The following SH3RF3 variants were observed in gnomAD, a reference collection of about 807,000 sequenced individuals.
SH3RF3 encodes SH3 domain containing ring finger 3.
SH3RF3 carries 29 observed loss-of-function variants against 66.3 expected under a neutral mutation model. The ratio of observed to expected loss-of-function variants is 0.44; its 90% CI spans 0.33 to 0.60. The LOEUF (loss-of-function observed/expected upper bound fraction) is 0.60. Ranked by LOEUF, SH3RF3 falls within the 20% of genes least tolerant of loss-of-function variation. The probability of loss-of-function intolerance (pLI) is 0.04; values close to 1 mark genes in which losing one functional copy is unlikely to be tolerated. For synonymous variants in SH3RF3, 583 were observed against 532.0 expected, an observed-to-expected ratio of 1.10 and a Z score of -1.32; for missense variants, 1,194 against 1,190.9, an observed-to-expected ratio of 1.00 and a Z score of -0.04.
intron 1 of SH3RF3, chr2:109,251,469 G>T: frequency 2.7e-6 from 2 of 734,706 alleles, no homozygotes; most frequent in Non-Finnish European, 5.1e-6. Flanking sequence ...TGGACAAGAA[G>T]TTGTCATTGA....
At chr2:109,414,099 C>T (rs540780297) in intron 4 of SH3RF3, among the ~76,000 whole-genome samples, 1 of 152,330 alleles carries the variant, frequency 6.6e-6, no homozygotes, top group South Asian at 2.1e-4. Flanking sequence ...TGGGCTGCCC[C>T]ATCTTGGCCT....
At chr2:109,433,528 GAC>G (rs951515243) in intron 6 of SH3RF3, among the ~76,000 whole-genome samples, 9 of 152,332 alleles carry the variant, frequency 5.9e-5, no homozygotes, top group East Asian at 1.9e-4. Flanking sequence ...GACACTGCAG[GAC>G]ACACACACAG....
intron 1 of SH3RF3, among the ~76,000 whole-genome samples, chr2:109,281,545 G>A (rs1157610713): frequency 2.0e-5 from 3 of 152,132 alleles, no homozygotes; most frequent in Non-Finnish European, 4.4e-5. Context: ...AAGGGATGAG[G>A]GAGGGTGATT....
intron 1 of SH3RF3, among the ~76,000 whole-genome samples, chr2:109,218,296 G>A (rs145829388): frequency 1.3e-5 from 2 of 152,260 alleles, no homozygotes; most frequent in East Asian, 1.9e-4. Context: ...TCTTGCCCCC[G>A]TTTTTGTGGC....
chr2:109,202,646 T>A (rs1171941188), intron 1 of SH3RF3, among the ~76,000 whole-genome samples: 1 of 152,112 alleles, frequency 6.6e-6, no homozygotes, highest in East Asian at 1.9e-4. Flanking sequence ...GGAACCTGGG[T>A]CCTGGGAAAA....
rs569117991 is a variant in SH3RF3, at chr2:109,200,104, A to G, written c.573+69991A>G. ...AGCATTTTCCTTCCAAGCCCTAGTG[A>G]TGTGGAGGAAATGTTACGGACATGC... On this transcript the variant is annotated intron_variant, in intron 1 of 9. Transcript: ENST00000309415. Among the ~76,000 whole-genome samples the G allele has an allele frequency of 1.1e-3, 175 of 152,254 alleles. 1 individual carries two copies. The highest frequency in any genetic ancestry group is 3.0e-3 in the African/African-American group (125 of 41,530).
intron 1 of SH3RF3, among the ~76,000 whole-genome samples, chr2:109,256,643 A>G (rs1410447426): frequency 6.6e-6 from 1 of 152,134 alleles, no homozygotes; most frequent in Non-Finnish European, 1.5e-5. Context: ...AATTTTTATT[A>G]CTTTTTCCCT....
At chr2:109,457,936 GC>G (rs1437071968) in intron 8 of SH3RF3, among the ~76,000 whole-genome samples, 2 of 152,192 alleles carry the variant, frequency 1.3e-5, no homozygotes, top group Non-Finnish European at 2.9e-5. Context: ...GCACTTGCCA[GC>G]ACTCTCCATT....
intron 1 of SH3RF3, among the ~76,000 whole-genome samples, chr2:109,322,882 C>A (rs560372542): frequency 2.2e-4 from 33 of 152,306 alleles, no homozygotes; most frequent in Admixed American, 5.2e-4. Context: ...CATGCACAAA[C>A]CTTGTAATGT....
Position 109,485,239 on chromosome 2 carries a change from G to T in SH3RF3, c.2149-5366G>T, listed in dbSNP as rs1573290767. On this transcript the variant is annotated intron_variant, in intron 8 of 9. Coordinates refer to ENST00000309415, the MANE Select transcript of SH3RF3 (RefSeq NM_001099289.3). ...GACGGGAAATCTGTTTGAAAGAAGT[G>T]GTGGGACAGCCACCTGTCTCCACAT... Among the ~76,000 whole-genome samples the T allele has an allele frequency of 2.9e-5, 3 of 102,152 alleles. 1 individual carries two copies. In the South Asian group the frequency reaches 9.3e-4, roughly 32 times the overall value. The allele number at this position is 102,152 out of a possible 152,430, so 67.0% of individuals were successfully genotyped here. A position where few individuals can be genotyped will look rare whatever the true frequency, so the allele number is the denominator to read the frequency against.
rs571102716 is a variant in SH3RF3, at chr2:109,242,523, G to C, written c.574-105151G>C. 5.7e-4 allele frequency among the ~76,000 whole-genome samples: 87 copies of C among 152,326 alleles called. No homozygotes were observed. The South Asian group carries it at 0.012, about 20-fold the overall frequency. On this transcript the variant is annotated intron_variant, in intron 1 of 9. Transcript: ENST00000309415. ...GATTGGCCACTGGAGAAGCGGGAGT[G>C]AATGGCAACAAGGCCAAGTGGGAAG...
intron 3 of SH3RF3, among the ~76,000 whole-genome samples, chr2:109,382,058 C>T (rs1675694713): frequency 6.6e-6 from 1 of 152,066 alleles, no homozygotes; most frequent in South Asian, 2.1e-4. Context: ...TTGAGGTCTG[C>T]AGTTGCTTAT....
chr2:109,436,257 T>C (rs1219913120), intron 6 of SH3RF3, among the ~76,000 whole-genome samples: 1 of 152,198 alleles, frequency 6.6e-6, no homozygotes, highest in East Asian at 1.9e-4. Context: ...CATCGCTGCC[T>C]CCAGGACATG....
At position 109,449,334 on chromosome 2, in the gene SH3RF3, G is replaced by A; in HGVS notation, c.1993G>A (p.Ala665Thr). Residue 665 changes from alanine to threonine, a missense_variant, in exon 8 of 10, where the codon GCC becomes ACC. Coordinates refer to ENST00000309415, the MANE Select transcript of SH3RF3 (RefSeq NM_001099289.3). ...QPPVQMCPRP[A>T]IPLTSAASAI... ...CCCGGTGCAGATGTGCCCACGGCCG[G>A]CCATCCCCCTCACATCAGCAGCATC... 1 of 1,604,714 alleles carries A rather than the reference G, an allele frequency of 6.2e-7. No individual in the cohort carries two copies. Among genetic ancestry groups the A allele is most frequent in the South Asian group, 1.1e-5 (1 of 89,630 alleles).
At chr2:109,459,773 A>G (rs1211894571) in intron 8 of SH3RF3, among the ~76,000 whole-genome samples, 1 of 152,230 alleles carries the variant, frequency 6.6e-6, no homozygotes, top group Non-Finnish European at 1.5e-5. Flanking sequence ...CCCTGGAACC[A>G]AGACCTCTAG....
At chr2:109,146,243 C>T (rs1677092314) in intron 1 of SH3RF3, among the ~76,000 whole-genome samples, 1 of 152,130 alleles carries the variant, frequency 6.6e-6, no homozygotes, top group Admixed American at 6.5e-5. Flanking sequence ...TCTGGCTGCT[C>T]TTATAGCCAG....
chr2:109,229,867 C>T (rs1386133883), intron 1 of SH3RF3, among the ~76,000 whole-genome samples: 1 of 148,782 alleles, frequency 6.7e-6, no homozygotes, highest in South Asian at 2.1e-4. Context: ...CTCTGTTGCC[C>T]AGGCTGGAGT....
At chr2:109,498,025 T>G (rs936454505) in intron 9 of SH3RF3, among the ~76,000 whole-genome samples, 53 of 152,296 alleles carry the variant, frequency 3.5e-4, no homozygotes, top group Middle Eastern at 3.4e-3. Context: ...TTTGTGTGTA[T>G]GCTGTCTGAT....
chr2:109,472,787 A>T (rs1040166738), intron 8 of SH3RF3, among the ~76,000 whole-genome samples: 1 of 152,164 alleles, frequency 6.6e-6, no homozygotes, highest in Admixed American at 6.5e-5. Context: ...TGTCCTACAG[A>T]AAGCCAGCCA....
Sources: allele counts gnomAD v4.1 joint callset (sites outside exome capture counted in the v4.1 genomes callset), GRCh38; gene constraint gnomAD v4.1.1; transcripts MANE v1.5; gene names NCBI Gene and HGNC (gene_info 2026-07-23, HGNC 2026-07-21).